Variants in DDX60 observed in about 807,000 individuals in gnomAD.
The protein encoded by DDX60 is probable ATP-dependent RNA helicase DDX60.
DDX60 carries 165 observed loss-of-function variants against 212.8 expected under a neutral mutation model. The ratio of observed to expected loss-of-function variants is 0.78; its 90% CI spans 0.68 to 0.88. The LOEUF is 0.88. Among genes scored for constraint, DDX60 ranks in the 40% least tolerant of loss-of-function variants. The probability of loss-of-function intolerance (pLI) is 0.00; values close to 1 mark genes in which losing one functional copy is unlikely to be tolerated. For synonymous variants in DDX60, 703 were observed against 685.3 expected (o/e 1.03, Z -0.40); for missense variants, 1,905 against 2,003.9 (o/e 0.95, Z 0.94).
chr4:168,289,030 T>C (rs1162503599), intron 8 of DDX60, among the ~76,000 whole-genome samples: 1 of 152,194 alleles, frequency 6.6e-6, no homozygotes, highest in Non-Finnish European at 1.5e-5. Context: ...CCATAGGGCA[T>C]ATATTTGGAA....
chr4:168,286,443 T>TAGATAGAC (rs1371873004), intron 10 of DDX60, among the ~76,000 whole-genome samples: 1 of 136,808 alleles, frequency 7.3e-6, no homozygotes, highest in African/African-American at 2.8e-5. Context: ...GATAGATAGA[T>TAGATAGAC]AGATAGATAG....
chr4:168,301,677 T>C (rs931593378), intron 6 of DDX60, among the ~76,000 whole-genome samples: 1 of 152,050 alleles, frequency 6.6e-6, no homozygotes, highest in African/African-American at 2.4e-5. Flanking sequence ...GGCAAAAACA[T>C]CAATAATTAT....
At chr4:168,279,273 A>T (rs1288342067) in intron 14 of DDX60, among the ~76,000 whole-genome samples, 1 of 152,250 alleles carries the variant, frequency 6.6e-6, no homozygotes. Context: ...TACTTGAAAG[A>T]GGAAAGCTTG....
intron 8 of DDX60, among the ~76,000 whole-genome samples, chr4:168,291,397 G>A (rs1736095096): frequency 6.6e-6 from 1 of 152,102 alleles, no homozygotes; most frequent in Non-Finnish European, 1.5e-5. Flanking sequence ...TTCTCTATAA[G>A]AGTTGAAAGT....
intron 11 of DDX60, 36 bp from the exon 12 acceptor site, chr4:168,284,971 A>C (rs1735757885): frequency 2.0e-6 from 2 of 1,012,862 alleles, no homozygotes; most frequent in Non-Finnish European, 3.0e-6. Context: ...TAAATTGCAC[A>C]CTTCCAAATA....
rs758479308 is a variant in DDX60, at chr4:168,291,781, A to G, written c.1008T>C (p.His336=). The G allele has an allele frequency of 3.4e-5, 54 of 1,609,790 alleles. 1 individual carries two copies. In the South Asian group the frequency reaches 5.6e-4, roughly 17 times the overall value. Residue 336 remains histidine, a synonymous_variant, in exon 8 of 38, where the codon CAT becomes CAC. Coordinates refer to ENST00000393743, the MANE Select transcript of DDX60 (RefSeq NM_017631.6). ...ATAAAGGCTTCATGTCCTCAGCCCA[A>G]TGGGAAGTGATGACTCTAGCACAAG... ...QRACARVITS[H]WAEDMKPLLQ...
chr4:168,287,176 A>G lies in DDX60; in HGVS notation c.1211T>C (p.Ile404Thr). Reference sequence around the variant, plus strand: ...CCAGAGATATTCATAATCTTTCATAATGGTATCTCCCAAATTCAAATGTAG... The same window carrying G: ...CCAGAGATATTCATAATCTTTCATAGTGGTATCTCCCAAATTCAAATGTAG... ...KGLHLNLGDT[I>T]MKDYEYLWNT... The change falls in exon 10 of 38, where the codon ATT becomes ACT. Residue 404 changes from isoleucine to threonine, a missense_variant. Ile to Thr is a moderately conservative substitution (Grantham distance 89, BLOSUM62 -1). Transcript: ENST00000393743. 6.2e-7 allele frequency: 1 copy of G among 1,609,608 alleles called. No individual in the cohort carries two copies. Among genetic ancestry groups the G allele is most frequent in the Non-Finnish European group, 8.5e-7 (1 of 1,178,434 alleles).
chr4:168,254,404 G>C lies in DDX60; in HGVS notation c.3557+1307C>G, dbSNP rs557466398. Among the ~76,000 whole-genome samples the C allele has an allele frequency of 9.2e-5, 14 of 152,232 alleles. No homozygotes were observed. In the East Asian group the frequency reaches 2.7e-3, roughly 29 times the overall value. ...CTAAGGAAACAGAAAAATAGGTAGA[G>C]GAAATATAAGCAGAAGGATCAGCAG... On this transcript the variant is annotated intron_variant, in intron 26 of 37. Coordinates refer to ENST00000393743, the MANE Select transcript of DDX60 (RefSeq NM_017631.6).
chr4:168,301,100 TAAATA>T (rs1298208238), intron 6 of DDX60, among the ~76,000 whole-genome samples: 1 of 151,630 alleles, frequency 6.6e-6, no homozygotes, highest in African/African-American at 2.4e-5. Context: ...AAAATCAAAA[TAAATA>T]AAATAAAATA....
intron 32 of DDX60, 113 bp from the exon 33 acceptor site, chr4:168,236,486 C>G: frequency 1.1e-6 from 1 of 912,712 alleles, no homozygotes; most frequent in Non-Finnish European, 1.6e-6. Context: ...AAATTTATGA[C>G]AAACATAGCA....
At chr4:168,230,837 A>T (rs1733425106) in intron 33 of DDX60, among the ~76,000 whole-genome samples, 1 of 152,116 alleles carries the variant, frequency 6.6e-6, no homozygotes, top group Non-Finnish European at 1.5e-5. Flanking sequence ...AATAGCAAAG[A>T]TCAGAGCAGA....
Position 168,262,000 on chromosome 4 carries a change from C to T in DDX60, c.3273G>A (p.Gln1091=), listed in dbSNP as rs148697677. The change falls in exon 24 of 38, where the codon CAG becomes CAA. Residue 1091 remains glutamine, a splice_region_variant and synonymous_variant. Transcript: ENST00000393743. ...TSWIKNGNVE[Q]ARMVLQNLSP... is the part of the protein sequence containing the mutation. Reference sequence around the variant, plus strand: ...TGGCCAAAAAGCGTATGAAAATTACCTGCTCTACGTTGCCATTTTTAATCC... The same window carrying T: ...TGGCCAAAAAGCGTATGAAAATTACTTGCTCTACGTTGCCATTTTTAATCC... 2.5e-6 allele frequency: 4 copies of T among 1,584,440 alleles called. No individual in the cohort carries two copies. Among genetic ancestry groups the T allele is most frequent in the Non-Finnish European group, 3.4e-6 (4 of 1,170,198 alleles).
upstream of DDX60, among the ~76,000 whole-genome samples, chr4:168,323,136 C>A (rs1220228993): frequency 6.6e-6 from 1 of 152,146 alleles, no homozygotes; most frequent in Non-Finnish European, 1.5e-5. Context: ...ATGAAATTTT[C>A]AGCCTTATGA....
Position 168,262,054 on chromosome 4 carries a change from T to C in DDX60, c.3219A>G (p.Glu1073=). The C allele has an allele frequency of 6.2e-7, 1 of 1,604,064 alleles. No individual in the cohort carries two copies. Among genetic ancestry groups the C allele is most frequent in the South Asian group, 1.1e-5 (1 of 88,254 alleles). ...TTGTTAATTCTGCCTTTAGACTCTC[T>C]TCATATTTCCTAGCATCCATCTTTT... ...VIKKMDARKY[E]ESLKAELTSW... is the part of the protein sequence containing the mutation. Residue 1073 remains glutamate (E), a synonymous_variant, in exon 24 of 38, where the codon GAA becomes GAG. Coordinates refer to ENST00000393743, the MANE Select transcript of DDX60 (RefSeq NM_017631.6).
chr4:168,218,769 G>A (rs1732941468), intron 37 of DDX60, among the ~76,000 whole-genome samples: 1 of 151,932 alleles, frequency 6.6e-6, no homozygotes, highest in Non-Finnish European at 1.5e-5. Context: ...GACACATCAG[G>A]CCCTTTCTCA....
At position 168,287,084 on chromosome 4, in the gene DDX60, C is replaced by T. The variant is rs775811758; in HGVS notation, c.1303G>A (p.Val435Ile). ...GATGGTTTCTTTTCAAGAAAACAAA[C>T]TTTTGTTGTTCTCAGAGGAAATGGC... The part of the protein sequence containing the change: ...GQPFPLRTTK[V>I]CFLEKKPSPI... Residue 435 changes from valine to isoleucine, a missense_variant, in exon 10 of 38, where the codon GTT becomes ATT. By Grantham distance (29) the Val-to-Ile change is conservative. Transcript: ENST00000393743. 5.6e-6 allele frequency: 9 copies of T among 1,608,712 alleles called. No homozygotes were observed. In the African/African-American group the frequency reaches 1.1e-4, roughly 19 times the overall value.
At chr4:168,265,929 T>G (rs116553468) in intron 22 of DDX60, among the ~76,000 whole-genome samples, 4,815 of 151,888 alleles carry the variant, frequency 0.032, 136 homozygotes, top group East Asian at 0.076. Context: ...AAGTGCCTTT[T>G]ATTCTTATAT....
intron 5 of DDX60, among the ~76,000 whole-genome samples, chr4:168,304,502 A>G (rs1736791399): frequency 6.6e-6 from 1 of 151,990 alleles, no homozygotes; most frequent in Admixed American, 6.5e-5. Flanking sequence ...AGAGCTTGAG[A>G]CCAGCCTGGG....
In DDX60 at chr4:168,248,241, A is replaced by T; in HGVS notation, c.3910T>A (p.Ser1304Thr). ...ACTGAGTTTTGAGCAAAAACCACAG[A>T]TTTACAAGGCATGTTGACACCTAAA... is the stretch of plus-strand genomic sequence containing the variant. ...LALGVNMPCK[S>T]VVFAQNSVYL... Residue 1304 changes from serine to threonine, a missense_variant, in exon 29 of 38, where the codon TCT becomes ACT. Physicochemically the swap from Ser to Thr is moderately conservative, Grantham distance 58. Transcript: ENST00000393743. 6.2e-7 allele frequency: 1 copy of T among 1,611,212 alleles called. No individual in the cohort carries two copies. The highest frequency in any genetic ancestry group is 8.5e-7 in the Non-Finnish European group (1 of 1,179,038).
Sources: gnomAD v4.1 joint callset for allele counts (sites outside exome capture counted in the v4.1 genomes callset) on GRCh38, gnomAD v4.1.1 for gene constraint, MANE v1.5 for transcripts, NCBI Gene and HGNC (gene_info 2026-07-23, HGNC 2026-07-21) for gene names.